The following JCAD variants were observed in gnomAD, a reference collection of about 807,000 sequenced individuals.
JCAD encodes junctional cadherin 5 associated.
In JCAD, 40 loss-of-function variants were observed where a neutral mutation model predicts 98.0. That is an observed-to-expected ratio of 0.41 (90% CI 0.32 to 0.53). The LOEUF (loss-of-function observed/expected upper bound fraction) is 0.53, where lower values mean the gene tolerates loss of function less well. JCAD is among the 20% of genes least tolerant of loss of function. The pLI is 0.31. For missense variants in JCAD, 1,705 were observed against 1,738.1 expected (o/e 0.98, Z 0.34); for synonymous variants, 691 against 682.3 (o/e 1.01, Z -0.20).
chr10:30,018,187 G>A (rs1031213958), intron 3 of JCAD, among the ~76,000 whole-genome samples: 25 of 152,258 alleles, frequency 1.6e-4, no homozygotes, highest in African/African-American at 5.5e-4. Flanking sequence ...CCTGTTCACC[G>A]TGGAATATAC....
rs1837101213 is a variant in JCAD at position 30,035,972 on chromosome 10, CTGAAATA to C, written c.282-6113_282-6107del. Among the ~76,000 whole-genome samples the C allele has an allele frequency of 9.8e-5, 15 of 152,302 alleles. 1 individual carries two copies. In the South Asian group the frequency reaches 3.1e-3, roughly 32 times the overall value. ...CTACTAGCAACTGCTTGGGAAACAT[CTGAAATA>C]TGAGCATGTGAAAAACAATATGTTT... is the stretch of plus-strand genomic sequence containing the variant. On this transcript the variant is annotated intron_variant, in intron 2 of 3. Transcript: ENST00000375377.
In JCAD at chr10:30,026,478, G is replaced by A. The variant is rs746969030; in HGVS notation, c.3670C>T (p.Pro1224Ser). 1.4e-5 allele frequency: 23 copies of A among 1,614,138 alleles called. 2 individuals are homozygous for A. The South Asian group carries it at 2.5e-4, about 18-fold the overall frequency. Residue 1224 changes from proline to serine, a missense_variant, in exon 3 of 4, where the codon CCA becomes TCA. Pro to Ser is a moderately conservative substitution (Grantham distance 74). Around this residue, in one of 3 missense-constraint regions of JCAD, gnomAD observed 1,278 missense variants for 1,243.1 expected, o/e 1.03. Transcript: ENST00000375377. Reference sequence around the variant, plus strand: ...CTCTTTTCAGAGCCTGCCACACTTGGGGTTCTTTCTACAAAATGGAATAAA... The same window carrying A: ...CTCTTTTCAGAGCCTGCCACACTTGAGGTTCTTTCTACAAAATGGAATAAA... ...STLFHFVERT[P>S]SVAGSEKRLR...
At chr10:30,094,665 C>A (rs532999666) in intron 1 of JCAD, among the ~76,000 whole-genome samples, 1 of 152,248 alleles carries the variant, frequency 6.6e-6, no homozygotes, top group East Asian at 1.9e-4. Context: ...GCATGGCAGC[C>A]TTATGGAAAG....
Position 30,042,117 on chromosome 10 carries a change from A to C in JCAD, c.281+5415T>G, listed in dbSNP as rs182733161. ...TACAGTCTGTTAACTGAGACCATTTAGGAGCGGGCTAGCATCTAGATGAGC... is the reference window on the plus strand; with the variant it reads ...TACAGTCTGTTAACTGAGACCATTTCGGAGCGGGCTAGCATCTAGATGAGC... On this transcript the variant is annotated intron_variant, in intron 2 of 3. Coordinates refer to ENST00000375377, the MANE Select transcript of JCAD (RefSeq NM_020848.4). Among the ~76,000 whole-genome samples the C allele has an allele frequency of 5.4e-4, 82 of 152,316 alleles. 1 individual carries two copies. The highest frequency in any genetic ancestry group is 1.2e-3 in the Admixed American group (19 of 15,300).
intron 1 of JCAD, among the ~76,000 whole-genome samples, chr10:30,082,495 G>T (rs1008751365): frequency 6.6e-6 from 1 of 152,072 alleles, no homozygotes; most frequent in Admixed American, 6.6e-5. Context: ...GAGGTGGGTG[G>T]ATCACTAGAT....
At chr10:30,024,265 CTTATT>C (rs1326247889) in intron 3 of JCAD, among the ~76,000 whole-genome samples, 3 of 152,152 alleles carry the variant, frequency 2.0e-5, no homozygotes, top group African/African-American at 7.2e-5. Flanking sequence ...ATTTATTTGT[CTTATT>C]TTAAACTCCT....
intron 3 of JCAD, among the ~76,000 whole-genome samples, chr10:30,022,705 C>T (rs116310226): frequency 0.025 from 3,876 of 152,188 alleles, 175 homozygotes; most frequent in African/African-American, 0.089. Context: ...TATGGTCATG[C>T]GCCACAGAAC....
chr10:30,054,676 T>C (rs1837531440), intron 1 of JCAD, among the ~76,000 whole-genome samples: 1 of 37,196 alleles, frequency 2.7e-5, no homozygotes, highest in South Asian at 8.7e-4. Flanking sequence ...AAAATGCATC[T>C]TTTTTTTTTT....
chr10:30,029,852 G>A lies in JCAD; in HGVS notation c.296C>T (p.Pro99Leu), dbSNP rs765512935. The A allele has an allele frequency of 1.2e-6, 2 of 1,613,632 alleles. No homozygotes were observed. The highest frequency in any genetic ancestry group is 1.1e-5 in the South Asian group (1 of 91,058). Residue 99 changes from proline (P) to leucine (L), a missense_variant, in exon 3 of 4, where the codon CCC (proline) becomes CTC (leucine). Pro to Leu is a moderately conservative substitution (Grantham distance 98). Around this residue, in one of 3 missense-constraint regions of JCAD, gnomAD observed 152 missense variants for 148.0 expected, o/e 1.03. Transcript: ENST00000375377. ...GGGATGAGAGGACCATGCTGAGGGGGGTTGATTACAAAACCTACAAAACAA... is the reference window on the plus strand; with the variant it reads ...GGGATGAGAGGACCATGCTGAGGGGAGTTGATTACAAAACCTACAAAACAA... ...RTSEAGFCNQ[P>L]PSAWSSHPPT...
intron 1 of JCAD, among the ~76,000 whole-genome samples, chr10:30,093,151 A>G (rs975693436): frequency 2.0e-5 from 3 of 152,166 alleles, no homozygotes; most frequent in Non-Finnish European, 4.4e-5. Flanking sequence ...GAGTCTACCA[A>G]TGTGTTTTCT....
In JCAD at chr10:30,089,642, A is replaced by G. The variant is rs139267598; in HGVS notation, n.129-19821T>C. ...CATAAAAATATCTAGAGTTCATTAG[A>G]TAATTGCTTCATAGAATACAGGGTT... On this transcript the variant is annotated intron_variant and non_coding_transcript_variant, in intron 1 of 2. Coordinates refer to the JCAD transcript ENST00000465712. Among the ~76,000 whole-genome samples, 15 of 152,214 alleles carry G rather than the reference A, an allele frequency of 9.9e-5. No individual in the cohort carries two copies. In the East Asian group the frequency reaches 2.7e-3, roughly 27 times the overall value.
chr10:30,042,952 G>A (rs1207434640), intron 2 of JCAD, among the ~76,000 whole-genome samples: 4 of 152,230 alleles, frequency 2.6e-5, no homozygotes, highest in African/African-American at 9.6e-5. Context: ...CGCTGGTAAA[G>A]TTACCAGTCA....
In JCAD at chr10:30,027,398, C is replaced by G. The variant is rs1337580176; in HGVS notation, c.2750G>C (p.Ser917Thr). ...GRGESKSESW[S>T]EELQPGHPRA... ...TGGGTGGCCAGGCTGCAGCTCCTCACTCCAGCTCTCAGACTTACTCTCACC... is the reference window on the plus strand; with the variant it reads ...TGGGTGGCCAGGCTGCAGCTCCTCAGTCCAGCTCTCAGACTTACTCTCACC... Residue 917 changes from serine (S) to threonine (T), a missense_variant, in exon 3 of 4, where the codon AGT (serine) becomes ACT (threonine). Ser to Thr is a moderately conservative substitution (Grantham distance 58). Coordinates refer to ENST00000375377, the MANE Select transcript of JCAD (RefSeq NM_020848.4). The G allele has an allele frequency of 1.9e-6, 3 of 1,606,520 alleles. No individual in the cohort carries two copies. Among genetic ancestry groups the G allele is most frequent in the Non-Finnish European group, 2.5e-6 (3 of 1,179,998 alleles).
chr10:30,079,190 T>C (rs1343205149), intron 1 of JCAD, among the ~76,000 whole-genome samples: 1 of 151,716 alleles, frequency 6.6e-6, no homozygotes, highest in African/African-American at 2.4e-5. Flanking sequence ...CTACTAAAAA[T>C]ACAAAAATTA....
upstream of JCAD, among the ~76,000 whole-genome samples, chr10:30,061,406 G>A (rs1589700766): frequency 6.6e-6 from 1 of 152,236 alleles, no homozygotes; most frequent in Admixed American, 6.5e-5. Context: ...GCCGGGCGTG[G>A]TGGCAGGTGC....
upstream of JCAD, chr10:30,059,642 G>GCCC (rs1374047863): frequency 2.0e-5 from 3 of 152,516 alleles, no homozygotes; most frequent in African/African-American, 7.2e-5. This position sits in a 1 kb window ranked among gnomAD's most constrained non-coding sequence, Gnocchi z 5.0. Flanking sequence ...CACCGCCCGG[G>GCCC]GCTGCCTCCT....
At chr10:30,042,633 G>A (rs1274951029) in intron 2 of JCAD, among the ~76,000 whole-genome samples, 36 of 152,046 alleles carry the variant, frequency 2.4e-4, no homozygotes, top group Non-Finnish European at 1.5e-5. Context: ...GAGATGGGTG[G>A]CAATGGGGGA....
intron 2 of JCAD, among the ~76,000 whole-genome samples, chr10:30,039,985 G>T (rs1041532097): frequency 6.6e-6 from 1 of 152,170 alleles, no homozygotes; most frequent in Admixed American, 6.5e-5. Context: ...GTTTCATTTG[G>T]TATTAACTCA....
chr10:30,093,473 C>G (rs1465015034), intron 1 of JCAD, among the ~76,000 whole-genome samples: 2 of 152,220 alleles, frequency 1.3e-5, no homozygotes, highest in Non-Finnish European at 2.9e-5. Context: ...ACGAGACAGA[C>G]ATAAGACTCA....
Sources: allele counts gnomAD v4.1 joint callset (sites outside exome capture counted in the v4.1 genomes callset), GRCh38; gene constraint gnomAD v4.1.1; regional missense constraint gnomAD v4.1.1; non-coding constraint Gnocchi (gnomAD v3.1); transcripts MANE v1.5; gene names NCBI Gene and HGNC (gene_info 2026-07-23, HGNC 2026-07-21).